Variants in FILIP1 observed in about 807,000 individuals in gnomAD.
The protein encoded by FILIP1 is filamin-A-interacting protein 1.
Under a neutral mutation model 102.1 loss-of-function variants are expected in FILIP1, and 61 were observed. The observed-to-expected ratio is 0.60, with a 90% CI of 0.49 to 0.74. FILIP1 has a LOEUF of 0.74. Ranked by LOEUF, FILIP1 falls within the 30% of genes least tolerant of loss-of-function variation. The probability of loss-of-function intolerance (pLI) is 0.00; values close to 1 mark genes in which losing one functional copy is unlikely to be tolerated. For missense variants in FILIP1, 1,314 were observed against 1,441.2 expected, an observed-to-expected ratio of 0.91 and a Z score of 1.43; for synonymous variants, 491 against 526.9, an observed-to-expected ratio of 0.93 and a Z score of 0.93.
intron 1 of FILIP1, among the ~76,000 whole-genome samples, chr6:75,468,904 C>G (rs1248774792): frequency 1.3e-5 from 2 of 151,480 alleles, no homozygotes; most frequent in Non-Finnish European, 2.9e-5. Flanking sequence ...ATCAAAGGAG[C>G]AAGAAAAAAA....
chr6:75,356,382 G>A (rs1774999991), intron 3 of FILIP1, among the ~76,000 whole-genome samples: 1 of 152,138 alleles, frequency 6.6e-6, no homozygotes. Flanking sequence ...GACTGGTGGA[G>A]AAGCCCACGT....
chr6:75,312,890 A>C lies in FILIP1; in HGVS notation c.2942T>G (p.Val981Gly). 1 of 1,613,974 alleles carries C rather than the reference A, an allele frequency of 6.2e-7. No homozygotes were observed. The highest frequency in any genetic ancestry group is 8.5e-7 in the Non-Finnish European group (1 of 1,180,016). Residue 981 changes from valine to glycine, a missense_variant, in exon 5 of 6, where the codon GTC becomes GGC. By Grantham distance (109) the Val-to-Gly change is moderately radical. Around this residue, in one of 3 missense-constraint regions of FILIP1, gnomAD observed 816 missense variants for 913.1 expected, o/e 0.89. Coordinates refer to ENST00000237172, the MANE Select transcript of FILIP1 (RefSeq NM_015687.5). ...TLGPERAMSPVTITTFSREKT... is the reference protein window; with the variant it reads ...TLGPERAMSPGTITTFSREKT... ...CTCTCTGGAAAATGTAGTAATTGTGACTGGGGACATGGCTCGTTCTGGGCC... is the reference window on the plus strand; with the variant it reads ...CTCTCTGGAAAATGTAGTAATTGTGCCTGGGGACATGGCTCGTTCTGGGCC...
At chr6:75,389,973 G>A (rs1192700637) in intron 2 of FILIP1, among the ~76,000 whole-genome samples, 1 of 152,078 alleles carries the variant, frequency 6.6e-6, no homozygotes, top group Non-Finnish European at 1.5e-5. Context: ...AAATTTGGCT[G>A]CACTTCAGAA....
intron 1 of FILIP1, among the ~76,000 whole-genome samples, chr6:75,464,122 C>T (rs1779101702): frequency 6.6e-6 from 1 of 152,138 alleles, no homozygotes; most frequent in African/African-American, 2.4e-5. Flanking sequence ...TTGACGTCAT[C>T]CTTTTAAGAT....
chr6:75,424,584 T>TA (rs1472857981), intron 1 of FILIP1, among the ~76,000 whole-genome samples: 1 of 152,202 alleles, frequency 6.6e-6, no homozygotes, highest in Non-Finnish European at 1.5e-5. Flanking sequence ...TTAAAGTAAC[T>TA]GAATTTTAAA....
intron 1 of FILIP1, among the ~76,000 whole-genome samples, chr6:75,462,722 A>C (rs2149752648): frequency 6.6e-6 from 1 of 152,234 alleles, no homozygotes; most frequent in South Asian, 2.1e-4. Flanking sequence ...ACTCAAGCCA[A>C]GCCCACTGCC....
At chr6:75,474,225 T>C (rs1779411211) in intron 1 of FILIP1, among the ~76,000 whole-genome samples, 1 of 152,230 alleles carries the variant, frequency 6.6e-6, no homozygotes, top group African/African-American at 2.4e-5. Context: ...ATTTTATTAA[T>C]ATCATTTACT....
At chr6:75,430,334 C>A (rs1582493273) in intron 1 of FILIP1, among the ~76,000 whole-genome samples, 1 of 152,212 alleles carries the variant, frequency 6.6e-6, no homozygotes, top group East Asian at 1.9e-4. Flanking sequence ...AAGACTAATA[C>A]AGTGGTTTTC....
intron 1 of FILIP1, among the ~76,000 whole-genome samples, chr6:75,474,782 G>A (rs968067082): frequency 2.0e-5 from 3 of 152,120 alleles, no homozygotes; most frequent in African/African-American, 7.2e-5. Context: ...TGTTGGAGGT[G>A]GAGCCTGGTG....
rs190460358 is a variant in FILIP1 at position 75,371,929 on chromosome 6, C to T, written c.277-9012G>A. Among the ~76,000 whole-genome samples, 935 of 152,266 alleles carry T rather than the reference C, an allele frequency of 6.1e-3. 17 individuals are homozygous for T. Among genetic ancestry groups the T allele is most frequent in the Non-Finnish European group, 5.3e-3 (362 of 68,016 alleles). On this transcript the variant is annotated intron_variant, in intron 2 of 5. Transcript: ENST00000237172. ...TTATTTCTTGGATATGATACCAAAGCACAGGCAACAAAAGAAAAACATATA... is the reference window on the plus strand; with the variant it reads ...TTATTTCTTGGATATGATACCAAAGTACAGGCAACAAAAGAAAAACATATA...
At chr6:75,449,231 G>C (rs1778540375) in intron 1 of FILIP1, among the ~76,000 whole-genome samples, 1 of 152,108 alleles carries the variant, frequency 6.6e-6, no homozygotes, top group Admixed American at 6.5e-5. Context: ...CTCAGGAATG[G>C]AAAACCAAAC....
At chr6:75,484,613 T>G (rs1029643588) in intron 1 of FILIP1, among the ~76,000 whole-genome samples, 2 of 152,194 alleles carry the variant, frequency 1.3e-5, no homozygotes, top group African/African-American at 4.8e-5. Flanking sequence ...AGCCCAGGCA[T>G]CTGCATTTTT....
chr6:75,375,956 CAG>C (rs1224377539), intron 2 of FILIP1, among the ~76,000 whole-genome samples: 5 of 152,146 alleles, frequency 3.3e-5, no homozygotes, highest in African/African-American at 2.4e-5. Context: ...ACAAAAAAAT[CAG>C]AGTTAGTATG....
intron 1 of FILIP1, among the ~76,000 whole-genome samples, chr6:75,430,062 A>T (rs1777775244): frequency 6.6e-6 from 1 of 152,106 alleles, no homozygotes; most frequent in Admixed American, 6.6e-5. Flanking sequence ...ACCTGGTGGG[A>T]GGTGATTGGA....
At chr6:75,486,558 TGGA>T (rs1446552119) in intron 1 of FILIP1, among the ~76,000 whole-genome samples, 1 of 152,154 alleles carries the variant, frequency 6.6e-6, no homozygotes, top group African/African-American at 2.4e-5. Context: ...GTCATCTAGG[TGGA>T]GGTGTTCCAT....
intron 2 of FILIP1, among the ~76,000 whole-genome samples, chr6:75,381,920 T>C (rs1162064739): frequency 6.6e-6 from 1 of 152,234 alleles, no homozygotes; most frequent in East Asian, 1.9e-4. Context: ...CACAGAGTTA[T>C]CTAACTCCAA....
At chr6:75,357,707 G>C (rs935798916) in intron 3 of FILIP1, among the ~76,000 whole-genome samples, 10 of 152,306 alleles carry the variant, frequency 6.6e-5, no homozygotes, top group South Asian at 2.1e-4. Context: ...TCAATTTTAA[G>C]TTTTGGATGT....
intron 2 of FILIP1, among the ~76,000 whole-genome samples, chr6:75,410,631 G>A (rs1383356321): frequency 6.6e-6 from 1 of 152,102 alleles, no homozygotes; most frequent in Non-Finnish European, 1.5e-5. Context: ...TCTCACTTAT[G>A]AGTGAGAACA....
At chr6:75,487,941 A>G (rs1045653629) in intron 1 of FILIP1, among the ~76,000 whole-genome samples, 3 of 152,154 alleles carry the variant, frequency 2.0e-5, no homozygotes, top group African/African-American at 7.2e-5. Context: ...AGGCAACAGC[A>G]TTTAGGCAAG....
Sources: gnomAD v4.1 joint callset for allele counts (sites outside exome capture counted in the v4.1 genomes callset) on GRCh38, gnomAD v4.1.1 for gene constraint, gnomAD v4.1.1 regional missense constraint, MANE v1.5 for transcripts, NCBI Gene and HGNC (gene_info 2026-07-23, HGNC 2026-07-21) for gene names.